Variants in CDKAL1 observed in about 807,000 individuals in gnomAD.
CDKAL1 encodes the protein CDKAL1 threonylcarbamoyladenosine tRNA methylthiotransferase.
A neutral mutation model predicts 68.2 loss-of-function variants in CDKAL1; 32 were observed. The ratio of observed to expected loss-of-function variants is 0.47; its 90% CI spans 0.35 to 0.63. The LOEUF is 0.63. Among genes scored for constraint, CDKAL1 ranks in the 30% least tolerant of loss-of-function variants. CDKAL1 has a pLI of 0.00. For synonymous variants in CDKAL1, 234 were observed against 244.3 expected (o/e 0.96, Z 0.39); for missense variants, 606 against 696.7 (o/e 0.87, Z 1.47).
intron 11 of CDKAL1, among the ~76,000 whole-genome samples, chr6:21,055,092 T>C (rs896479775): frequency 2.0e-5 from 3 of 152,222 alleles, no homozygotes; most frequent in African/African-American, 7.2e-5. Context: ...GTCAAAAGTT[T>C]TCTGAATCTG....
intron 9 of CDKAL1, among the ~76,000 whole-genome samples, chr6:20,943,525 T>C (rs1470604073): frequency 6.6e-6 from 1 of 152,004 alleles, no homozygotes; most frequent in Admixed American, 6.6e-5. Flanking sequence ...CTTGGTGTGG[T>C]TCTGTTCTGT....
intron 9 of CDKAL1, among the ~76,000 whole-genome samples, chr6:20,884,208 A>C (rs1760958826): frequency 6.6e-6 from 1 of 152,218 alleles, no homozygotes; most frequent in East Asian, 1.9e-4. Context: ...TAACAAAAGC[A>C]AAAACAGAGT....
intron 4 of CDKAL1, among the ~76,000 whole-genome samples, chr6:20,552,277 A>C (rs1202229152): frequency 6.6e-6 from 1 of 151,652 alleles, no homozygotes; most frequent in African/African-American, 2.4e-5. Flanking sequence ...TGAGCCTGAG[A>C]GGTAGAGGCT....
intron 11 of CDKAL1, among the ~76,000 whole-genome samples, chr6:21,063,277 A>G (rs1461834937): frequency 2.6e-5 from 4 of 152,182 alleles, no homozygotes; most frequent in Non-Finnish European, 4.4e-5. Context: ...CATTTTCCCT[A>G]TTGTTTATGG....
intron 5 of CDKAL1, among the ~76,000 whole-genome samples, chr6:20,723,936 T>C (rs1287950418): frequency 6.6e-6 from 1 of 152,120 alleles, no homozygotes; most frequent in African/African-American, 2.4e-5. Context: ...TGCCACTGTT[T>C]TTGCTGTTGT....
chr6:20,608,456 G>A (rs182717578), intron 4 of CDKAL1, among the ~76,000 whole-genome samples: 6 of 152,198 alleles, frequency 3.9e-5, no homozygotes, highest in African/African-American at 1.2e-4. Context: ...AAATAAACAA[G>A]TAAATAAAAC....
intron 9 of CDKAL1, among the ~76,000 whole-genome samples, chr6:20,873,994 CCCAGATGGGGGA>C (rs936729859): frequency 5.3e-5 from 8 of 152,130 alleles, no homozygotes; most frequent in Admixed American, 2.6e-4. Context: ...GGGTGGCAGT[CCCAGATGGGGGA>C]GCTGTGGGTT....
At chr6:20,626,922 A>C (rs916547513) in intron 4 of CDKAL1, among the ~76,000 whole-genome samples, 5 of 152,110 alleles carry the variant, frequency 3.3e-5, no homozygotes, top group African/African-American at 1.2e-4. Context: ...GGCCACCTCT[A>C]TCTGGAAGGA....
chr6:20,777,561 G>A (rs1429089611), intron 7 of CDKAL1, among the ~76,000 whole-genome samples: 1 of 152,194 alleles, frequency 6.6e-6, no homozygotes, highest in Non-Finnish European at 1.5e-5. Context: ...GCTGCAGTGA[G>A]CCGTGATTGT....
intron 10 of CDKAL1, among the ~76,000 whole-genome samples, chr6:20,969,423 G>C (rs1227024313): frequency 6.6e-6 from 1 of 152,124 alleles, no homozygotes; most frequent in African/African-American, 2.4e-5. Context: ...TACTGAATAG[G>C]CTGAGGAGGA....
intron 15 of CDKAL1, among the ~76,000 whole-genome samples, chr6:21,206,373 C>T (rs1017947482): frequency 3.9e-5 from 6 of 151,974 alleles, no homozygotes; most frequent in African/African-American, 7.3e-5. Flanking sequence ...TAGGAATATG[C>T]GACAATGTGA....
intron 13 of CDKAL1, among the ~76,000 whole-genome samples, chr6:21,179,298 C>T (rs939364622): frequency 3.3e-5 from 5 of 152,184 alleles, no homozygotes; most frequent in African/African-American, 1.2e-4. Flanking sequence ...AAATCAACAA[C>T]TCATTATCAT....
At chr6:21,174,908 T>C (rs1025980850) in intron 13 of CDKAL1, among the ~76,000 whole-genome samples, 1 of 152,168 alleles carries the variant, frequency 6.6e-6, no homozygotes, top group Non-Finnish European at 1.5e-5. Flanking sequence ...TTAAATAAAT[T>C]ATGGCATCTT....
rs117341091 is a variant in CDKAL1, at chr6:21,022,984, C to T, written c.1055+22612C>T. Among the ~76,000 whole-genome samples, 313 of 152,232 alleles carry T rather than the reference C, an allele frequency of 2.1e-3. 5 individuals carry two copies. The highest frequency in any genetic ancestry group is 0.016 in the East Asian group (82 of 5,170). On this transcript the variant is annotated intron_variant, in intron 11 of 15. Transcript: ENST00000274695. ...CATCAGCATTAATCATCCTTGTTAC[C>T]TTTTGATGAGATCATTCAGGTTAAA...
chr6:20,604,810 T>G (rs1766264374), intron 4 of CDKAL1, among the ~76,000 whole-genome samples: 1 of 152,258 alleles, frequency 6.6e-6, no homozygotes, highest in Admixed American at 6.5e-5. Flanking sequence ...GTGCTGTCTC[T>G]TTGACTCTGG....
chr6:20,644,581 G>T lies in CDKAL1; in HGVS notation c.287-4712G>T, dbSNP rs370438027. ...TGTAGTCCCAGCTACTCAGGAGGCT[G>T]AGGCAGGAGAATGGCGTGAACCCGG... is the stretch of plus-strand genomic sequence containing the variant. On this transcript the variant is annotated intron_variant, in intron 4 of 15. Coordinates refer to ENST00000274695, the MANE Select transcript of CDKAL1 (RefSeq NM_017774.3). 1.4e-4 allele frequency among the ~76,000 whole-genome samples: 21 copies of T among 152,304 alleles called. No individual in the cohort carries two copies. The South Asian group carries it at 4.1e-3, about 30-fold the overall frequency.
At chr6:20,991,706 C>CAAAAAA (rs35504365) in intron 10 of CDKAL1, among the ~76,000 whole-genome samples, 5 of 59,612 alleles carry the variant, frequency 8.4e-5, no homozygotes, top group Admixed American at 4.8e-4. Context: ...TATTCCCTCT[C>CAAAAAA]AAAAAAAAAA....
intron 12 of CDKAL1, among the ~76,000 whole-genome samples, chr6:21,092,684 A>G (rs1398598677): frequency 6.6e-6 from 1 of 152,004 alleles, no homozygotes; most frequent in East Asian, 1.9e-4. Flanking sequence ...GGAGTGAGAG[A>G]GAAAATAAAA....
rs1768138986 is a variant in CDKAL1 at position 20,640,818 on chromosome 6, T to A, written c.287-8475T>A. 2.6e-5 allele frequency among the ~76,000 whole-genome samples: 4 copies of A among 152,224 alleles called. 1 individual carries two copies. The South Asian group carries it at 6.2e-4, about 24-fold the overall frequency. On this transcript the variant is annotated intron_variant, in intron 4 of 15. Transcript: ENST00000274695. ...TCTCACCGTGTGATTCTAGGCAAGT[T>A]ACTTTTCTTTTCTAGACCTTAGGTT...
Sources: allele counts gnomAD v4.1 joint callset (sites outside exome capture counted in the v4.1 genomes callset), GRCh38; gene constraint gnomAD v4.1.1; transcripts MANE v1.5; gene names NCBI Gene and HGNC (gene_info 2026-07-23, HGNC 2026-07-21).